Variants in PSTPIP1 observed in about 807,000 individuals in gnomAD.
The protein encoded by PSTPIP1 is proline-serine-threonine phosphatase-interacting protein 1.
A neutral mutation model predicts 69.6 loss-of-function variants in PSTPIP1; 66 were observed. The ratio of observed to expected loss-of-function variants is 0.95; its 90% CI spans 0.78 to 1.16. The LOEUF (loss-of-function observed/expected upper bound fraction) is 1.16, where lower values mean the gene tolerates loss of function less well. Among genes scored for constraint, PSTPIP1 ranks in the 50% most tolerant of loss-of-function variants. PSTPIP1 has a pLI of 0.00. For synonymous variants in PSTPIP1, 266 were observed against 222.7 expected, an observed-to-expected ratio of 1.19 and a Z score of -1.73; for missense variants, 603 against 557.4, an observed-to-expected ratio of 1.08 and a Z score of -0.82.
intron 5 of PSTPIP1, among the ~76,000 whole-genome samples, 189 bp downstream of exon 5, chr15:77,025,793 G>A (rs903790725): frequency 2.6e-5 from 4 of 152,184 alleles, no homozygotes; most frequent in Non-Finnish European, 2.9e-5. Context: ...CCTGGCCGCT[G>A]GCACTAAGGC....
chr15:77,008,574 T>A (rs2075867798), intron 1 of PSTPIP1, among the ~76,000 whole-genome samples: 1 of 152,222 alleles, frequency 6.6e-6, no homozygotes, highest in Admixed American at 6.5e-5. Context: ...CACACCCGGC[T>A]AATTTTTGTA....
chr15:77,029,395 C>A, intron 7 of PSTPIP1, 134 bp from the exon 8 acceptor site: 2 of 965,906 alleles, frequency 2.1e-6, no homozygotes, highest in Non-Finnish European at 3.2e-6. Flanking sequence ...TGGATGATGG[C>A]ATCTGCCCAT....
At chr15:77,000,462 T>G (rs574627310) in intron 1 of PSTPIP1, among the ~76,000 whole-genome samples, 390 of 101,966 alleles carry the variant, frequency 3.8e-3, no homozygotes, top group African/African-American at 0.011. Context: ...TAAAGAGAGA[T>G]ATATATATAT....
At position 77,002,399 on chromosome 15, in the gene PSTPIP1, C is replaced by A. The variant is rs535138851; in HGVS notation, c.36+6790C>A. 2.6e-5 allele frequency among the ~76,000 whole-genome samples: 4 copies of A among 152,342 alleles called. 1 individual carries two copies. The highest frequency in any genetic ancestry group is 2.6e-4 in the Admixed American group (4 of 15,300). ...AAGTAGGATTCTCTCCATCCCCCATCTAATTTTCTGCAAGTCAATACAGAG... is the reference window on the plus strand; with the variant it reads ...AAGTAGGATTCTCTCCATCCCCCATATAATTTTCTGCAAGTCAATACAGAG... On this transcript the variant is annotated intron_variant, in intron 1 of 14. Coordinates refer to ENST00000558012, the MANE Select transcript of PSTPIP1 (RefSeq NM_003978.5).
chr15:77,036,607 C>T (rs2076579507), intron 14 of PSTPIP1, among the ~76,000 whole-genome samples: 2 of 152,104 alleles, frequency 1.3e-5, no homozygotes, highest in Non-Finnish European at 2.9e-5. Context: ...GTGGACTCCA[C>T]TGATGAGGCC....
chr15:77,033,025 G>T (rs939377597), intron 12 of PSTPIP1, 73 bp downstream of exon 12: 5 of 1,432,626 alleles, frequency 3.5e-6, no homozygotes, highest in African/African-American at 2.8e-5. Flanking sequence ...CTCTGCACCT[G>T]GCCCTTCCTC....
chr15:77,003,663 A>T (rs1207972335), intron 1 of PSTPIP1, among the ~76,000 whole-genome samples: 1 of 152,010 alleles, frequency 6.6e-6, no homozygotes, highest in Non-Finnish European at 1.5e-5. Context: ...CTCAAAAAAA[A>T]AAAAAGAAGA....
rs758725770 is a variant in PSTPIP1 at position 76,995,372 on chromosome 15, A to G, written c.-202A>G. Reference sequence around the variant, plus strand: ...CATTTTGCTGCTGATTCTAGCCCCAAACAAAACAGGTTGAGCTTTTTCCTC... The same window carrying G: ...CATTTTGCTGCTGATTCTAGCCCCAGACAAAACAGGTTGAGCTTTTTCCTC... On this transcript the variant is annotated 5_prime_UTR_variant, in exon 1 of 15. Transcript: ENST00000558012. The G allele has an allele frequency of 9.7e-6, 14 of 1,437,868 alleles. No individual in the cohort carries two copies. Among genetic ancestry groups the G allele is most frequent in the East Asian group, 2.5e-5 (1 of 39,862 alleles). The allele number at this position is 1,437,868 out of a possible 1,614,324, so 89.1% of individuals were successfully genotyped here.
chr15:77,035,872 G>A lies in PSTPIP1; in HGVS notation c.1056G>A (p.Glu352=), dbSNP rs1469732250. ...TCTACACAGCCATCGCAGTGCAGGA[G>A]ATACAGGGAAACCCGGCCTCACCAG... ...EGVYTAIAVQ[E]IQGNPASPAQ... The change falls in exon 14 of 15, where the codon GAG becomes GAA. Residue 352 remains glutamate, a synonymous_variant. Transcript: ENST00000558012. 20 of 1,610,672 alleles carry A rather than the reference G, an allele frequency of 1.2e-5. No individual in the cohort carries two copies. Among genetic ancestry groups the A allele is most frequent in the Admixed American group, 1.7e-5 (1 of 59,910 alleles).
In PSTPIP1 at chr15:77,018,644, G is replaced by C. The variant is rs866120017; in HGVS notation, c.212+113G>C. On this transcript the variant is annotated intron_variant, in intron 3 of 14. Transcript: ENST00000558012. ...GGGGAGGCTGGGCAGAACCAGGGTA[G>C]GTCTGGATTGCTCCTTGGTGCCTGG... The C allele has an allele frequency of 4.4e-6, 5 of 1,148,674 alleles. No homozygotes were observed. In the African/African-American group the frequency reaches 4.7e-5, roughly 11 times the overall value. The allele number at this position is 1,148,674 out of a possible 1,614,324, so 71.2% of individuals were successfully genotyped here.
At chr15:77,009,239 G>A (rs1323657222) in intron 1 of PSTPIP1, among the ~76,000 whole-genome samples, 1 of 152,136 alleles carries the variant, frequency 6.6e-6, no homozygotes, top group Non-Finnish European at 1.5e-5. Context: ...ACCTGCTGAG[G>A]ATGGCAGAGA....
rs147940914 is a variant in PSTPIP1 at position 77,036,242 on chromosome 15, G to A, written c.1119+307G>A. Reference sequence around the variant, plus strand: ...CGGGCCTGTACACAGCACACACGTGGAGCACATGTACCTATGCCGTCCACA... The same window carrying A: ...CGGGCCTGTACACAGCACACACGTGAAGCACATGTACCTATGCCGTCCACA... On this transcript the variant is annotated intron_variant, in intron 14 of 14. Coordinates refer to ENST00000558012, the MANE Select transcript of PSTPIP1 (RefSeq NM_003978.5). 6.5e-3 allele frequency among the ~76,000 whole-genome samples: 986 copies of A among 152,284 alleles called. 4 individuals are homozygous for A. Among genetic ancestry groups the A allele is most frequent in the Non-Finnish European group, 9.3e-3 (635 of 68,016 alleles).
chr15:77,035,861 G>A lies in PSTPIP1; in HGVS notation c.1045G>A (p.Ala349Thr), dbSNP rs187211142. 95 of 1,610,548 alleles carry A rather than the reference G, an allele frequency of 5.9e-5. 1 individual carries two copies. The highest frequency in any genetic ancestry group is 5.6e-4 in the South Asian group (51 of 91,014). The change falls in exon 14 of 15, where the codon GCA becomes ACA. Residue 349 changes from alanine to threonine, a missense_variant. Coordinates refer to ENST00000558012, the MANE Select transcript of PSTPIP1 (RefSeq NM_003978.5). Reference sequence around the variant, plus strand: ...GAATGAGGGTGTCTACACAGCCATCGCAGTGCAGGAGATACAGGGAAACCC... The same window carrying A: ...GAATGAGGGTGTCTACACAGCCATCACAGTGCAGGAGATACAGGGAAACCC... ...ERNEGVYTAI[A>T]VQEIQGNPAS...
intron 1 of PSTPIP1, among the ~76,000 whole-genome samples, chr15:77,000,174 C>T (rs760512666): frequency 3.3e-5 from 5 of 152,180 alleles, no homozygotes; most frequent in South Asian, 2.1e-4. Flanking sequence ...GTGACAGCAC[C>T]GCTGCCGAGT....
At chr15:77,013,231 G>A (rs967800481) in intron 1 of PSTPIP1, among the ~76,000 whole-genome samples, 1 of 152,082 alleles carries the variant, frequency 6.6e-6, no homozygotes, top group Non-Finnish European at 1.5e-5. Context: ...GTCATCTTCA[G>A]GTGTAACCCA....
chr15:77,031,308 A>C (rs745724652), intron 10 of PSTPIP1, 30 bp downstream of exon 10: 1 of 1,603,256 alleles, frequency 6.2e-7, no homozygotes, highest in Non-Finnish European at 8.5e-7. Context: ...GTGTGGGGTA[A>C]GGTAGGGCAG....
At chr15:77,035,237 G>C (rs927049778) in intron 12 of PSTPIP1, among the ~76,000 whole-genome samples, 1 of 152,178 alleles carries the variant, frequency 6.6e-6, no homozygotes, top group Non-Finnish European at 1.5e-5. Context: ...TCCTCCCAAG[G>C]GCCCTGCAGG....
At chr15:77,012,860 G>A (rs181622780) in intron 1 of PSTPIP1, among the ~76,000 whole-genome samples, 172 of 152,262 alleles carry the variant, frequency 1.1e-3, no homozygotes, top group African/African-American at 4.0e-3. Flanking sequence ...GGAAGCAGCC[G>A]TCATAAGGCC....
chr15:77,025,145 TC>T, intron 3 of PSTPIP1, 138 bp from the exon 4 acceptor site: 1 of 907,386 alleles, frequency 1.1e-6, no homozygotes, highest in South Asian at 1.5e-5. Context: ...GGCTAAAGGG[TC>T]CCTTGGTTCT....
Sources: allele counts gnomAD v4.1 joint callset (sites outside exome capture counted in the v4.1 genomes callset), GRCh38; gene constraint gnomAD v4.1.1; transcripts MANE v1.5; gene names NCBI Gene and HGNC (gene_info 2026-07-23, HGNC 2026-07-21).